RCAN3: variants seen among roughly 807,000 people sequenced by gnomAD.
RCAN3 encodes the protein regulator of calcineurin 3.
Under a neutral mutation model 21.9 loss-of-function variants are expected in RCAN3, and 19 were observed. The observed-to-expected ratio is 0.87, with a 90% CI of 0.61 to 1.27. The LOEUF (loss-of-function observed/expected upper bound fraction) is 1.27. Among genes scored for constraint, RCAN3 ranks in the 50% most tolerant of loss-of-function variants. RCAN3 has a pLI of 0.00. For synonymous variants in RCAN3, 114 were observed against 112.3 expected (o/e 1.01, Z -0.09); for missense variants, 240 against 300.1 (o/e 0.80, Z 1.48).
intron 1 of RCAN3, among the ~76,000 whole-genome samples, chr1:24,510,899 T>G (rs1393221545): frequency 1.3e-5 from 2 of 152,180 alleles, no homozygotes; most frequent in Non-Finnish European, 2.9e-5. Flanking sequence ...CATTGAAGGT[T>G]TATTAATTGG....
intron 2 of RCAN3, among the ~76,000 whole-genome samples, chr1:24,520,384 CGTT>C (rs1648688310): frequency 6.6e-6 from 1 of 151,980 alleles, no homozygotes; most frequent in Non-Finnish European, 1.5e-5. Context: ...TGCTACAAAA[CGTT>C]GTTGAAAGAA....
At chr1:24,524,553 A>G (rs1570470952) in intron 2 of RCAN3, among the ~76,000 whole-genome samples, 2 of 152,264 alleles carry the variant, frequency 1.3e-5, no homozygotes, top group South Asian at 2.1e-4. Context: ...AGTAAAGTCC[A>G]TCTCTCTGGC....
chr1:24,519,537 G>A (rs1243262689), intron 2 of RCAN3, among the ~76,000 whole-genome samples: 1 of 152,182 alleles, frequency 6.6e-6, no homozygotes, highest in Non-Finnish European at 1.5e-5. Context: ...AAGAAATGCA[G>A]TAGAATCTAG....
upstream of RCAN3, chr1:24,502,525 A>G (rs1327922943): frequency 2.6e-5 from 4 of 152,258 alleles, no homozygotes; most frequent in Non-Finnish European, 2.9e-5. Flanking sequence ...AACGTTCGTC[A>G]TATTCCTATG....
At chr1:24,506,446 T>G (rs1160277163) in intron 1 of RCAN3, among the ~76,000 whole-genome samples, 3 of 152,176 alleles carry the variant, frequency 2.0e-5, no homozygotes, top group Non-Finnish European at 4.4e-5. Context: ...AATGTTAAAT[T>G]TCCTGTTTTT....
chr1:24,523,880 A>G (rs1200696914), intron 2 of RCAN3, among the ~76,000 whole-genome samples: 1 of 152,202 alleles, frequency 6.6e-6, no homozygotes. Context: ...ATTATATGCT[A>G]AACTGTATGC....
chr1:24,538,514 C>G lies in RCAN3; in HGVS notation c.*3237C>G, dbSNP rs1650345627. On this transcript the variant is annotated 3_prime_UTR_variant, in exon 5 of 5. Coordinates refer to ENST00000374395, the MANE Select transcript of RCAN3 (RefSeq NM_013441.4). ...CCGCCTCCCGGGTTCACGCCATTCT[C>G]CTGCCTCAGCCTCCCAAGTAGCTGG... is the stretch of plus-strand genomic sequence containing the variant. 1 of 151,606 alleles carries G rather than the reference C, an allele frequency of 6.6e-6. No individual in the cohort carries two copies. Among genetic ancestry groups the G allele is most frequent in the Non-Finnish European group, 1.5e-5 (1 of 67,932 alleles). 9.4% of individuals were successfully genotyped at this position (151,606 alleles called of 1,614,324 possible). A position where few individuals can be genotyped will look rare whatever the true frequency, so the allele number is the denominator to read the frequency against.
At chr1:24,505,225 CTTTTT>C (rs1351108344) in intron 1 of RCAN3, among the ~76,000 whole-genome samples, 9 of 109,556 alleles carry the variant, frequency 8.2e-5, no homozygotes, top group East Asian at 2.8e-4. Context: ...TTTTTTTTCT[CTTTTT>C]TCTTTTTTTT....
At chr1:24,516,492 C>T (rs1310172949) in intron 2 of RCAN3, among the ~76,000 whole-genome samples, 2 of 151,920 alleles carry the variant, frequency 1.3e-5, no homozygotes, top group East Asian at 1.9e-4. Context: ...AGAGCTGAAT[C>T]GGGAGAGTGT....
At chr1:24,506,717 G>A (rs1435853446) in intron 1 of RCAN3, among the ~76,000 whole-genome samples, 1 of 148,378 alleles carries the variant, frequency 6.7e-6, no homozygotes, top group Non-Finnish European at 1.5e-5. Context: ...ACTCAAAATT[G>A]AAGGTAGAAA....
intron 1 of RCAN3, among the ~76,000 whole-genome samples, chr1:24,514,021 A>C (rs1648095761): frequency 6.6e-6 from 1 of 152,202 alleles, no homozygotes; most frequent in African/African-American, 2.4e-5. Flanking sequence ...ATACATATTG[A>C]TATGATCTCA....
At position 24,540,075 on chromosome 1, in the gene RCAN3, A is replaced by C. The variant is rs979789787; in HGVS notation, c.*4798A>C. 6.6e-6 allele frequency: 1 copy of C among 152,260 alleles called. No homozygotes were observed. The highest frequency in any genetic ancestry group is 1.5e-5 in the Non-Finnish European group (1 of 68,046). The allele number at this position is 152,260 out of a possible 1,614,324, so 9.4% of individuals were successfully genotyped here. ...TTAAACTCCCCTCGGTGTATGGATC[A>C]TCTTCGTCAGAATGCCGTTGTTTCA... On this transcript the variant is annotated 3_prime_UTR_variant, in exon 5 of 5. Coordinates refer to ENST00000374395, the MANE Select transcript of RCAN3 (RefSeq NM_013441.4).
intron 1 of RCAN3, among the ~76,000 whole-genome samples, chr1:24,511,193 G>C (rs148986557): frequency 1.1e-4 from 17 of 152,076 alleles, no homozygotes; most frequent in Admixed American, 9.2e-4. Context: ...TGTACCTGTA[G>C]TCCCAGCTAC....
At chr1:24,527,293 G>A (rs527281950) in intron 2 of RCAN3, among the ~76,000 whole-genome samples, 3 of 152,266 alleles carry the variant, frequency 2.0e-5, no homozygotes, top group South Asian at 2.1e-4. Flanking sequence ...GTGAGCTACC[G>A]CGCATGGCTT....
intron 4 of RCAN3, among the ~76,000 whole-genome samples, chr1:24,533,614 A>T (rs1179211612): frequency 6.6e-6 from 1 of 152,184 alleles, no homozygotes; most frequent in Non-Finnish European, 1.5e-5. Context: ...AACCTGGCCA[A>T]CATGGGGAAA....
At chr1:24,505,223 C>T (rs916492295) in intron 1 of RCAN3, among the ~76,000 whole-genome samples, 27 of 84,572 alleles carry the variant, frequency 3.2e-4, no homozygotes, top group East Asian at 4.3e-4. Flanking sequence ...TTTTTTTTTT[C>T]TCTTTTTTCT....
At chr1:24,527,929 G>A (rs907752909) in intron 2 of RCAN3, among the ~76,000 whole-genome samples, 5 of 151,908 alleles carry the variant, frequency 3.3e-5, no homozygotes, top group African/African-American at 1.2e-4. Context: ...CCTCATGAAC[G>A]ACTCAAATAT....
At chr1:24,511,816 G>A (rs141457103) in intron 1 of RCAN3, among the ~76,000 whole-genome samples, 3 of 152,158 alleles carry the variant, frequency 2.0e-5, no homozygotes, top group East Asian at 3.8e-4. Context: ...ATAAAGTGAC[G>A]CATGATAAAA....
rs1276778344 is a variant in RCAN3 at position 24,517,083 on chromosome 1, T to TG, written c.195+2517dup. 5.8e-5 allele frequency among the ~76,000 whole-genome samples: 7 copies of TG among 121,190 alleles called. No homozygotes were observed. In the East Asian group the frequency reaches 1.2e-3, roughly 20 times the overall value. 79.5% of individuals were successfully genotyped at this position (121,190 alleles called of 152,430 possible). ...AACGTCACAATCTTTTCTATTTTTT[T>TG]GTTTTTTTTTGTTTTTTTTTTGTTT... On this transcript the variant is annotated intron_variant, in intron 2 of 4. Coordinates refer to ENST00000374395, the MANE Select transcript of RCAN3 (RefSeq NM_013441.4).
Sources: allele counts gnomAD v4.1 joint callset (sites outside exome capture counted in the v4.1 genomes callset), GRCh38; gene constraint gnomAD v4.1.1; transcripts MANE v1.5; gene names NCBI Gene and HGNC (gene_info 2026-07-23, HGNC 2026-07-21).